CSMD1: variants seen among roughly 807,000 people sequenced by gnomAD.
CSMD1 encodes the protein CUB and sushi domain-containing protein 1.
In CSMD1, 213 loss-of-function variants were observed where a neutral mutation model predicts 417.5. That is an observed-to-expected ratio of 0.51 (90% CI 0.46 to 0.57). The LOEUF is 0.57. Ranked by LOEUF, CSMD1 falls within the 20% of genes least tolerant of loss-of-function variation. The pLI, the probability that CSMD1 is intolerant of heterozygous loss-of-function variation, is 0.00. For synonymous variants in CSMD1, 2,862 were observed against 1,736.8 expected (o/e 1.65, Z -16.11); for missense variants, 6,923 against 4,529.7 (o/e 1.53, Z -15.17).
At chr8:4,376,281 T>A (rs1027302856) in intron 3 of CSMD1, among the ~76,000 whole-genome samples, 1 of 152,214 alleles carries the variant, frequency 6.6e-6, no homozygotes, top group Non-Finnish European at 1.5e-5. Flanking sequence ...AAGAATGACC[T>A]GTGGCCATTG....
intron 40 of CSMD1, among the ~76,000 whole-genome samples, chr8:3,150,092 C>T (rs982552363): frequency 1.2e-4 from 18 of 152,176 alleles, no homozygotes; most frequent in African/African-American, 3.6e-4. Flanking sequence ...GTGGAAGCAA[C>T]GTTGCTGAAG....
chr8:4,322,653 A>G (rs1419509722), intron 3 of CSMD1, among the ~76,000 whole-genome samples: 1 of 152,222 alleles, frequency 6.6e-6, no homozygotes, highest in East Asian at 1.9e-4. Context: ...AAGAATAATC[A>G]CTGTCTACAG....
intron 5 of CSMD1, among the ~76,000 whole-genome samples, chr8:3,836,649 A>G (rs1485500027): frequency 6.6e-6 from 1 of 152,152 alleles, no homozygotes; most frequent in Non-Finnish European, 1.5e-5. Flanking sequence ...CACATTCACA[A>G]CATGAGACAC....
intron 1 of CSMD1, among the ~76,000 whole-genome samples, chr8:4,893,070 A>G (rs1804230623): frequency 6.6e-6 from 1 of 152,130 alleles, no homozygotes; most frequent in Admixed American, 6.5e-5. Flanking sequence ...TGTGTCGATT[A>G]TCCCCTCCAG....
chr8:4,088,860 G>C (rs781455387), intron 3 of CSMD1, among the ~76,000 whole-genome samples: 2 of 152,044 alleles, frequency 1.3e-5, no homozygotes, highest in Non-Finnish European at 2.9e-5. Context: ...TGGTTTCCAT[G>C]ACACCGCTGT....
chr8:4,603,590 T>A (rs1800707340), intron 2 of CSMD1, among the ~76,000 whole-genome samples: 1 of 152,112 alleles, frequency 6.6e-6, no homozygotes. Context: ...TTAGCTAGCT[T>A]TGCAAAATAG....
At chr8:3,550,139 G>A (rs774553790) in intron 10 of CSMD1, among the ~76,000 whole-genome samples, 5 of 152,234 alleles carry the variant, frequency 3.3e-5, no homozygotes, top group African/African-American at 9.6e-5. Context: ...ACCCATGCAC[G>A]TGGCCTCAAA....
intron 3 of CSMD1, among the ~76,000 whole-genome samples, chr8:4,224,247 A>G (rs1700060): frequency 1 from 152,094 of 152,274 alleles, 75,957 homozygotes; most frequent in Non-Finnish European, 1. Context: ...AAAAAAAATA[A>G]TTTGAAAATG....
intron 26 of CSMD1, among the ~76,000 whole-genome samples, chr8:3,267,934 C>T (rs891379631): frequency 1.3e-5 from 2 of 152,014 alleles, no homozygotes; most frequent in African/African-American, 4.8e-5. Flanking sequence ...GGCAGAGCCT[C>T]AGAAATGAGG....
chr8:3,950,695 G>C (rs770620586), intron 5 of CSMD1, among the ~76,000 whole-genome samples: 1 of 152,086 alleles, frequency 6.6e-6, no homozygotes, highest in Non-Finnish European at 1.5e-5. Context: ...ATGCATTATG[G>C]AGCACAGGAT....
At chr8:4,428,460 T>C (rs1460066033) in intron 2 of CSMD1, among the ~76,000 whole-genome samples, 1 of 152,180 alleles carries the variant, frequency 6.6e-6, no homozygotes, top group African/African-American at 2.4e-5. Context: ...TTCACATTAA[T>C]TTCTGGAGTA....
chr8:4,063,439 TG>T (rs1477506638), intron 3 of CSMD1, among the ~76,000 whole-genome samples: 4 of 152,198 alleles, frequency 2.6e-5, no homozygotes, highest in African/African-American at 9.6e-5. Context: ...ATGAATACAA[TG>T]TCCTTAGAAC....
chr8:3,903,877 T>C (rs1024755383), intron 5 of CSMD1, among the ~76,000 whole-genome samples: 7 of 150,966 alleles, frequency 4.6e-5, no homozygotes, highest in Admixed American at 2.6e-4. Context: ...GCCATATATA[T>C]ATATTTTTTT....
At chr8:4,089,897 G>T (rs1288127177) in intron 3 of CSMD1, among the ~76,000 whole-genome samples, 1 of 152,034 alleles carries the variant, frequency 6.6e-6, no homozygotes, top group Non-Finnish European at 1.5e-5. Context: ...GTGGGGTCAG[G>T]GACCTGATTG....
At chr8:4,905,152 G>A (rs1469121841) in intron 1 of CSMD1, among the ~76,000 whole-genome samples, 1 of 151,994 alleles carries the variant, frequency 6.6e-6, no homozygotes, top group Non-Finnish European at 1.5e-5. Flanking sequence ...ATGAAATCCT[G>A]GGAGTACTAT....
At chr8:4,100,215 A>G (rs1801235343) in intron 3 of CSMD1, among the ~76,000 whole-genome samples, 1 of 152,210 alleles carries the variant, frequency 6.6e-6, no homozygotes, top group Admixed American at 6.6e-5. Context: ...AAATGAGATT[A>G]TATAGTCTCT....
chr8:4,101,493 A>T (rs1370479357), intron 3 of CSMD1, among the ~76,000 whole-genome samples: 4 of 152,152 alleles, frequency 2.6e-5, no homozygotes, highest in African/African-American at 9.7e-5. Flanking sequence ...AGCTGTCCTC[A>T]GTCACCCTGC....
chr8:3,840,567 C>G (rs764718188), intron 5 of CSMD1, among the ~76,000 whole-genome samples: 4 of 151,952 alleles, frequency 2.6e-5, no homozygotes, highest in African/African-American at 9.7e-5. Flanking sequence ...AAGCATGCCT[C>G]CTTATTTCAA....
chr8:4,811,935 C>A (rs1798930615), intron 1 of CSMD1, among the ~76,000 whole-genome samples: 1 of 151,936 alleles, frequency 6.6e-6, no homozygotes, highest in African/African-American at 2.4e-5. Context: ...TTCTGATAGG[C>A]GCATTAGAAT....
Sources: allele counts gnomAD v4.1 joint callset (sites outside exome capture counted in the v4.1 genomes callset), GRCh38; gene constraint gnomAD v4.1.1; transcripts MANE v1.5; gene names NCBI Gene and HGNC (gene_info 2026-07-23, HGNC 2026-07-21).